The following LTBP2 variants were observed in gnomAD, a reference collection of about 807,000 sequenced individuals.
The protein encoded by LTBP2 is latent-transforming growth factor beta-binding protein 2.
Under a neutral mutation model 210.6 loss-of-function variants are expected in LTBP2, and 103 were observed. The ratio of observed to expected loss-of-function variants is 0.49; its 90% CI spans 0.42 to 0.58. The LOEUF (loss-of-function observed/expected upper bound fraction) is 0.58. LTBP2 is among the 20% of genes least tolerant of loss of function. The pLI is 0.00. For synonymous variants in LTBP2, 1,007 were observed against 1,015.0 expected (o/e 0.99, Z 0.15); for missense variants, 2,313 against 2,494.5 (o/e 0.93, Z 1.55).
At chr14:74,564,087 T>TTATATATATATTTATATATATATTTA (rs2087838821) in intron 3 of LTBP2, among the ~76,000 whole-genome samples, 3 of 14,354 alleles carry the variant, frequency 2.1e-4, no homozygotes, top group African/African-American at 6.3e-4. Context: ...ATATATATAT[T>TTATATATATATTTATATATATATTTA]TATATATATA....
intron 30 of LTBP2, 136 bp downstream of exon 30, chr14:74,504,642 C>T: frequency 1.2e-6 from 1 of 808,168 alleles, no homozygotes; most frequent in East Asian, 2.5e-5. Context: ...TGCAGGGAGT[C>T]AGCCCTGGGA....
chr14:74,545,779 C>T (rs529881976), intron 8 of LTBP2, among the ~76,000 whole-genome samples: 3 of 152,164 alleles, frequency 2.0e-5, no homozygotes, highest in Admixed American at 6.5e-5. Flanking sequence ...TGAGCTGGGA[C>T]CCTTTGATAA....
intron 3 of LTBP2, among the ~76,000 whole-genome samples, chr14:74,557,465 A>C (rs757338806): frequency 1.3e-5 from 2 of 152,212 alleles, no homozygotes; most frequent in Non-Finnish European, 2.9e-5. Flanking sequence ...GCTAGCTTTG[A>C]ATAAGCACAA....
intron 8 of LTBP2, among the ~76,000 whole-genome samples, chr14:74,547,592 T>C (rs1428489002): frequency 6.6e-6 from 1 of 152,160 alleles, no homozygotes; most frequent in Non-Finnish European, 1.5e-5. Flanking sequence ...TTCTGAGCCC[T>C]GAGACAAGGA....
chr14:74,529,217 T>G, intron 10 of LTBP2, 95 bp from the exon 11 acceptor site: 1 of 1,418,178 alleles, frequency 7.1e-7, no homozygotes, highest in Non-Finnish European at 9.7e-7. Flanking sequence ...GCTGGCCACA[T>G]GCACTCAGAC....
chr14:74,541,237 G>A (rs1454820115), intron 8 of LTBP2, among the ~76,000 whole-genome samples: 3 of 152,054 alleles, frequency 2.0e-5, no homozygotes, highest in African/African-American at 4.8e-5. Flanking sequence ...CATAAGCTAC[G>A]TGAGGACAAG....
intron 31 of LTBP2, 126 bp downstream of exon 31, chr14:74,503,800 G>A: frequency 1.4e-6 from 2 of 1,444,676 alleles, no homozygotes; most frequent in South Asian, 2.4e-5. Flanking sequence ...GGACCAGCCT[G>A]CTGCAGTGGG....
At chr14:74,546,976 G>A (rs1566632450) in intron 8 of LTBP2, among the ~76,000 whole-genome samples, 1 of 151,062 alleles carries the variant, frequency 6.6e-6, no homozygotes. Flanking sequence ...TGTGGTCATG[G>A]TGCCTGTCAG....
intron 2 of LTBP2, among the ~76,000 whole-genome samples, chr14:74,597,974 G>A (rs576620739): frequency 1.6e-4 from 25 of 152,298 alleles, no homozygotes; most frequent in Middle Eastern, 6.8e-3. Flanking sequence ...GAGGTGCTGC[G>A]CTCACTGCTT....
chr14:74,554,208 C>T (rs949317611), intron 4 of LTBP2, among the ~76,000 whole-genome samples: 9 of 152,120 alleles, frequency 5.9e-5, no homozygotes, highest in Non-Finnish European at 1.0e-4. Context: ...ACCTCAGAAA[C>T]GTTATGCTAA....
chr14:74,520,657 C>T (rs910663071), intron 17 of LTBP2, among the ~76,000 whole-genome samples: 5 of 152,150 alleles, frequency 3.3e-5, no homozygotes, highest in East Asian at 3.9e-4. Flanking sequence ...AAAAATTAGC[C>T]GAGCGTGGTG....
At chr14:74,508,190 A>C in intron 24 of LTBP2, 95 bp from the exon 25 acceptor site, 3 of 1,453,708 alleles carry the variant, frequency 2.1e-6, no homozygotes, top group Non-Finnish European at 2.8e-6. Context: ...AGCCCATAGG[A>C]GAGTCAGGGA....
chr14:74,571,973 A>AT (rs2087985031), intron 3 of LTBP2, among the ~76,000 whole-genome samples: 1 of 151,626 alleles, frequency 6.6e-6, no homozygotes, highest in Non-Finnish European at 1.5e-5. Context: ...AAAAAAAAAA[A>AT]CCCACAGAAT....
intron 3 of LTBP2, among the ~76,000 whole-genome samples, chr14:74,557,402 C>T (rs2139754805): frequency 6.6e-6 from 1 of 152,294 alleles, no homozygotes; most frequent in South Asian, 2.1e-4. Flanking sequence ...TATAAATGAA[C>T]CACTTAGAGC....
intron 2 of LTBP2, among the ~76,000 whole-genome samples, chr14:74,602,772 T>C (rs539808584): frequency 7.2e-5 from 11 of 152,306 alleles, no homozygotes; most frequent in Admixed American, 6.5e-4. Context: ...ATGGCTTTTC[T>C]CTCCTTCGAG....
At chr14:74,584,257 G>A (rs532802147) in intron 3 of LTBP2, among the ~76,000 whole-genome samples, 1 of 152,250 alleles carries the variant, frequency 6.6e-6, no homozygotes, top group South Asian at 2.1e-4. Context: ...CTGGTGGGAA[G>A]ATGCAGCAGG....
rs149576879 is a variant in LTBP2 at position 74,532,541 on chromosome 14, G to A, written c.1872C>T (p.Asn624=). The A allele has an allele frequency of 2.9e-5, 47 of 1,613,916 alleles. No individual in the cohort carries two copies. The highest frequency in any genetic ancestry group is 4.5e-5 in the East Asian group (2 of 44,884). The change falls in exon 10 of 36, where the codon AAC becomes AAT. Residue 624 remains asparagine, a synonymous_variant. Coordinates refer to ENST00000261978, the MANE Select transcript of LTBP2 (RefSeq NM_000428.3). ...RLNLTHCQDI[N]ECLTLGLCKD... ...TGCACAGGCCCAGGGTCAAGCACTC[G>A]TTGATATCTGCAGGGTTGGAGGAGA...
rs944612626 is a variant in LTBP2 at position 74,611,295 on chromosome 14, A to G, written c.494+156T>C. On this transcript the variant is annotated intron_variant, in intron 1 of 35. Transcript: ENST00000261978. The stretch of plus-strand genomic sequence containing the variant: ...CTTCGAAAGCGGATCAAATCTTCCA[A>G]TCCCGATTTTGGAACCTCGGGGCTG... 7.9e-5 allele frequency among the ~76,000 whole-genome samples: 12 copies of G among 152,328 alleles called. No individual in the cohort carries two copies. In the East Asian group the frequency reaches 2.1e-3, roughly 27 times the overall value.
chr14:74,590,937 C>T (rs2088274603), intron 2 of LTBP2, among the ~76,000 whole-genome samples: 1 of 152,114 alleles, frequency 6.6e-6, no homozygotes, highest in South Asian at 2.1e-4. Flanking sequence ...TTAGACTTCA[C>T]CACTAAACAA....
Sources: gnomAD v4.1 joint callset for allele counts (sites outside exome capture counted in the v4.1 genomes callset) on GRCh38, gnomAD v4.1.1 for gene constraint, MANE v1.5 for transcripts, NCBI Gene and HGNC (gene_info 2026-07-23, HGNC 2026-07-21) for gene names.